The following ZMYM1 variants were observed in gnomAD, a reference collection of about 807,000 sequenced individuals.
The protein encoded by ZMYM1 is zinc finger MYM-type protein 1.
ZMYM1 carries 39 observed loss-of-function variants against 60.0 expected under a neutral mutation model. The ratio of observed to expected loss-of-function variants is 0.65; its 90% CI spans 0.50 to 0.85. The LOEUF is 0.85. Ranked by LOEUF, ZMYM1 falls within the 40% of genes least tolerant of loss-of-function variation. The pLI, the probability that ZMYM1 is intolerant of heterozygous loss-of-function variation, is 0.00. For synonymous variants in ZMYM1, 413 were observed against 454.0 expected, an observed-to-expected ratio of 0.91 and a Z score of 1.15; for missense variants, 1,171 against 1,309.5, an observed-to-expected ratio of 0.89 and a Z score of 1.63.
intron 1 of ZMYM1, among the ~76,000 whole-genome samples, 192 bp from the exon 2 acceptor site, chr1:35,093,722 G>T (rs1226494332): frequency 1.3e-5 from 2 of 152,172 alleles, no homozygotes; most frequent in Admixed American, 6.5e-5. Context: ...CACAGAGTTG[G>T]TAGTAGCTAC....
chr1:35,109,953 G>T (rs1044642997), intron 6 of ZMYM1, among the ~76,000 whole-genome samples: 7 of 152,072 alleles, frequency 4.6e-5, no homozygotes, highest in African/African-American at 1.7e-4. Flanking sequence ...TCACTATGTT[G>T]GCCAGGCTGG....
At chr1:35,079,124 G>C (rs1642233471), upstream of ZMYM1, 1 of 152,216 alleles carries the variant, frequency 6.6e-6, no homozygotes, top group African/African-American at 2.4e-5. Flanking sequence ...CTAATAAGTA[G>C]TAAAGCCATC....
chr1:35,083,068 G>A (rs1642473507), intron 1 of ZMYM1, among the ~76,000 whole-genome samples: 1 of 152,018 alleles, frequency 6.6e-6, no homozygotes, highest in Admixed American at 6.6e-5. Context: ...AATCTTGAAG[G>A]ATATTTTTAC....
chr1:35,088,702 A>C (rs950650060), intron 1 of ZMYM1, among the ~76,000 whole-genome samples: 1 of 151,274 alleles, frequency 6.6e-6, no homozygotes, highest in South Asian at 2.1e-4. Flanking sequence ...TTGTTGGAAA[A>C]GGAAGTAATG....
chr1:35,067,867 T>C (rs1007909105), intron 1 of ZMYM1, among the ~76,000 whole-genome samples: 3 of 150,914 alleles, frequency 2.0e-5, no homozygotes, highest in Admixed American at 1.3e-4. Flanking sequence ...AAGAGCAAAG[T>C]TCTGTCCAAA....
At chr1:35,080,722 G>A (rs1399591797) in intron 1 of ZMYM1, among the ~76,000 whole-genome samples, 3 of 151,782 alleles carry the variant, frequency 2.0e-5, no homozygotes, top group Non-Finnish European at 2.9e-5. Flanking sequence ...AAGACTGACC[G>A]TCTTCTTTTT....
intron 7 of ZMYM1, 26 bp downstream of exon 7, chr1:35,110,473 G>T: frequency 4.4e-6 from 6 of 1,371,056 alleles, no homozygotes; most frequent in Non-Finnish European, 4.8e-6. Flanking sequence ...CAATTGTAGG[G>T]GTTTAGTAAT....
chr1:35,107,418 G>A (rs1343651079), intron 6 of ZMYM1, among the ~76,000 whole-genome samples: 3 of 150,420 alleles, frequency 2.0e-5, no homozygotes, highest in African/African-American at 2.4e-5. Context: ...GCAGTGAGCC[G>A]AGATCGTGCC....
At chr1:35,095,041 A>G (rs1643232729) in intron 2 of ZMYM1, among the ~76,000 whole-genome samples, 1 of 152,108 alleles carries the variant, frequency 6.6e-6, no homozygotes, top group African/African-American at 2.4e-5. Context: ...TCATCTAGGA[A>G]CTATCTATTG....
At chr1:35,089,738 CTTTTTTTTTT>C (rs71029065) in intron 1 of ZMYM1, among the ~76,000 whole-genome samples, 2 of 60,980 alleles carry the variant, frequency 3.3e-5, no homozygotes, top group Non-Finnish European at 5.3e-5. Flanking sequence ...AGTTGTAAGG[CTTTTTTTTTT>C]TTTTTTTTTT....
rs547287468 is a variant in ZMYM1, at chr1:35,062,576, T to C, written c.-301+2651T>C. Among the ~76,000 whole-genome samples, 4 of 152,374 alleles carry C rather than the reference T, an allele frequency of 2.6e-5. No individual in the cohort carries two copies. The South Asian group carries it at 8.3e-4, about 32-fold the overall frequency. ...GAAGTAGGAGATACCAGGCACAGGT[T>C]TGTAATCCTAAATCTGCCACTTAAC... On this transcript the variant is annotated intron_variant, in intron 1 of 10. Transcript: ENST00000417119.
chr1:35,063,453 A>G (rs886604618), intron 1 of ZMYM1, among the ~76,000 whole-genome samples: 4 of 152,070 alleles, frequency 2.6e-5, no homozygotes, highest in African/African-American at 9.7e-5. Flanking sequence ...GACCACAAGC[A>G]CAAACCAATG....
At chr1:35,093,784 A>G in intron 1 of ZMYM1, 130 bp from the exon 2 acceptor site, 1 of 392,586 alleles carries the variant, frequency 2.5e-6, no homozygotes, top group Non-Finnish European at 4.6e-6. Context: ...GAAAGGAAAG[A>G]AGCCAGTGTT....
At chr1:35,094,141 GT>G in intron 2 of ZMYM1, 58 bp downstream of exon 2, 1 of 1,448,668 alleles carries the variant, frequency 6.9e-7, no homozygotes, top group Non-Finnish European at 9.4e-7. Flanking sequence ...ATAAATTTTA[GT>G]TACAAAGGTG....
intron 1 of ZMYM1, among the ~76,000 whole-genome samples, chr1:35,084,177 T>G: frequency 6.6e-6 from 1 of 151,346 alleles, no homozygotes; most frequent in Non-Finnish European, 1.5e-5. Flanking sequence ...ATTTTCCATT[T>G]AACTTTTTTT....
In ZMYM1 at chr1:35,115,370, T is replaced by C. The variant is rs1247509090; in HGVS notation, c.*111T>C. On this transcript the variant is annotated 3_prime_UTR_variant, in exon 10 of 10. Transcript: ENST00000359858. The stretch of plus-strand genomic sequence containing the variant: ...AGAACGATAAACAGTGAAGTCTCCT[T>C]CCCTCCTTTAGAACTCATTTTCTCT... 83 of 1,265,064 alleles carry C rather than the reference T, an allele frequency of 6.6e-5. 4 individuals carry two copies. In the South Asian group the frequency reaches 1.2e-3, roughly 18 times the overall value. 78.4% of individuals were successfully genotyped at this position (1,265,064 alleles called of 1,614,324 possible).
intron 1 of ZMYM1, among the ~76,000 whole-genome samples, chr1:35,089,841 G>A (rs1206103271): frequency 7.7e-6 from 1 of 129,540 alleles, no homozygotes; most frequent in Non-Finnish European, 1.6e-5. Flanking sequence ...TGCCTCCCAG[G>A]TTCACGCCAT....
chr1:35,082,967 G>A (rs1445925722), intron 1 of ZMYM1, among the ~76,000 whole-genome samples: 1 of 151,598 alleles, frequency 6.6e-6, no homozygotes, highest in African/African-American at 2.4e-5. Flanking sequence ...GGCAGCAAGA[G>A]TAAAACTCTG....
chr1:35,113,585 T>C lies in ZMYM1; in HGVS notation c.1755T>C (p.Asn585=). The change falls in exon 10 of 10, where the codon AAT becomes AAC. Residue 585 remains asparagine (N), a synonymous_variant. Coordinates refer to ENST00000359858, the MANE Select transcript of ZMYM1 (RefSeq NM_024772.5). ...DQSVSSVNKG[N]FLELLEMRAK... The stretch of plus-strand genomic sequence containing the variant: ...CAGTTTCATCTGTGAATAAAGGCAA[T>C]TTTTTAGAATTGTTAGAAATGAGAG... 1 of 1,613,732 alleles carries C rather than the reference T, an allele frequency of 6.2e-7. No individual in the cohort carries two copies. Among genetic ancestry groups the C allele is most frequent in the Non-Finnish European group, 8.5e-7 (1 of 1,179,866 alleles).
Sources: gnomAD v4.1 joint callset for allele counts (sites outside exome capture counted in the v4.1 genomes callset) on GRCh38, gnomAD v4.1.1 for gene constraint, MANE v1.5 for transcripts, NCBI Gene and HGNC (gene_info 2026-07-23, HGNC 2026-07-21) for gene names.